The following SLAMF9 variants were observed in gnomAD, a reference collection of about 807,000 sequenced individuals.
SLAMF9 encodes the protein SLAM family member 9.
In SLAMF9, 25 loss-of-function variants were observed where a neutral mutation model predicts 30.4. The ratio of observed to expected loss-of-function variants is 0.82; its 90% CI spans 0.60 to 1.15. The LOEUF (loss-of-function observed/expected upper bound fraction) is 1.15, where lower values mean the gene tolerates loss of function less well. Ranked by LOEUF, SLAMF9 falls within the 50% of genes most tolerant of loss-of-function variation. The pLI is 0.00. For missense variants in SLAMF9, 344 were observed against 346.1 expected (o/e 0.99, Z 0.05); for synonymous variants, 129 against 127.2 (o/e 1.01, Z -0.09).
intron 2 of SLAMF9, 118 bp downstream of exon 2, chr1:159,953,191 C>T: frequency 1.3e-6 from 1 of 790,638 alleles, no homozygotes; most frequent in Middle Eastern, 3.8e-4. Context: ...TGGAGACAGT[C>T]TGCCTCCAGT....
At chr1:159,961,002 T>A in the SLAMF9 span, among the ~76,000 whole-genome samples, 5 of 152,180 alleles carry the variant, frequency 3.3e-5, no homozygotes, top group Non-Finnish European at 7.4e-5. Flanking sequence ...CTTTCCTCCC[T>A]TCCTTGTCTC....
rs1250418386 is a variant in SLAMF9, at chr1:159,953,168, A to G, written c.391+141T>C. On this transcript the variant is annotated intron_variant, in intron 2 of 3. Transcript: ENST00000368093. ...ACAGGTGGATTGGGCACACTCAATC[A>G]CAGTATCTAGATTGGAGACAGTCTG... is the stretch of plus-strand genomic sequence containing the variant. 3 of 692,138 alleles carry G rather than the reference A, an allele frequency of 4.3e-6. No individual in the cohort carries two copies. The East Asian group carries it at 8.0e-5, about 18-fold the overall frequency. The allele number at this position is 692,138 out of a possible 1,614,324, so 42.9% of individuals were successfully genotyped here. A position where few individuals can be genotyped will look rare whatever the true frequency, so the allele number is the denominator to read the frequency against.
rs1651876485 is a variant in SLAMF9, at chr1:159,954,236, C to A, written c.-99G>T. ...AGGCTCCTAGACACAAAGAGCCTGACTGATGGTCCTGAGAAAAGGGAAATA... is the reference window on the plus strand; with the variant it reads ...AGGCTCCTAGACACAAAGAGCCTGAATGATGGTCCTGAGAAAAGGGAAATA... On this transcript the variant is annotated 5_prime_UTR_variant, in exon 1 of 4. Transcript: ENST00000368093. 1 of 1,370,178 alleles carries A rather than the reference C, an allele frequency of 7.3e-7. No homozygotes were observed. The allele number at this position is 1,370,178 out of a possible 1,614,324, so 84.9% of individuals were successfully genotyped here. A position where few individuals can be genotyped will look rare whatever the true frequency, so the allele number is the denominator to read the frequency against.
the SLAMF9 span, among the ~76,000 whole-genome samples, chr1:159,974,617 T>C: frequency 6.6e-6 from 1 of 152,062 alleles, no homozygotes; most frequent in Non-Finnish European, 1.5e-5. Flanking sequence ...CCCACACCAA[T>C]ACCGATCCCC....
chr1:159,975,714 C>A, the SLAMF9 span, among the ~76,000 whole-genome samples: 1 of 152,020 alleles, frequency 6.6e-6, no homozygotes, highest in Non-Finnish European at 1.5e-5. Flanking sequence ...TCAGCTGAAA[C>A]AATGGCAGTG....
At chr1:159,967,853 A>G in the SLAMF9 span, among the ~76,000 whole-genome samples, 1,059 of 152,062 alleles carry the variant, frequency 7.0e-3, 11 homozygotes, top group African/African-American at 0.025. Context: ...ATTTTATTTT[A>G]TCTTTTGTTG....
the SLAMF9 span, among the ~76,000 whole-genome samples, chr1:159,971,027 A>G: frequency 6.6e-6 from 1 of 152,194 alleles, no homozygotes; most frequent in Non-Finnish European, 1.5e-5. Context: ...TCCAACCAGG[A>G]AAACTCGCCC....
chr1:159,957,704 T>C (rs1651958068), upstream of SLAMF9, among the ~76,000 whole-genome samples: 1 of 152,228 alleles, frequency 6.6e-6, no homozygotes, highest in South Asian at 2.1e-4. Flanking sequence ...CTTACGTTAA[T>C]TAGCTCGATT....
the SLAMF9 span, among the ~76,000 whole-genome samples, chr1:159,975,590 G>A: frequency 1.3e-5 from 2 of 152,036 alleles, no homozygotes; most frequent in East Asian, 3.9e-4. Flanking sequence ...GAAATTGGGA[G>A]TAATTGAATC....
At chr1:159,957,826 A>G (rs1651959815), upstream of SLAMF9, among the ~76,000 whole-genome samples, 2 of 152,022 alleles carry the variant, frequency 1.3e-5, no homozygotes, top group African/African-American at 4.8e-5. Flanking sequence ...AAGGAAAGAA[A>G]AGAAAACAGG....
chr1:159,978,064 T>A, the SLAMF9 span, among the ~76,000 whole-genome samples: 944 of 152,214 alleles, frequency 6.2e-3, 8 homozygotes, highest in South Asian at 0.038. Flanking sequence ...CCCCCACCAC[T>A]GCCCCACCCC....
At chr1:159,970,927 G>A in the SLAMF9 span, among the ~76,000 whole-genome samples, 1 of 152,222 alleles carries the variant, frequency 6.6e-6, no homozygotes, top group African/African-American at 2.4e-5. Context: ...AGCGCACAGA[G>A]TCCAGGGAAG....
the SLAMF9 span, chr1:159,983,537 T>C: frequency 6.6e-6 from 1 of 152,230 alleles, no homozygotes; most frequent in Non-Finnish European, 1.5e-5. Flanking sequence ...GTTTTTTGCT[T>C]GAGTTAATTT....
the SLAMF9 span, among the ~76,000 whole-genome samples, chr1:159,960,285 G>A: frequency 2.3e-3 from 342 of 150,414 alleles, 2 homozygotes; most frequent in African/African-American, 7.1e-3. Flanking sequence ...TTGTCCTTGC[G>A]ATAGTTTGCT....
chr1:159,972,932 C>T, the SLAMF9 span: 1 of 1,028,410 alleles, frequency 9.7e-7, no homozygotes. Flanking sequence ...CTCCTCTCCT[C>T]CCAGGGGGTC....
the SLAMF9 span, chr1:159,973,093 C>T: frequency 4.6e-6 from 7 of 1,507,618 alleles, no homozygotes; most frequent in Non-Finnish European, 5.4e-6. Context: ...CCCTCCTTGA[C>T]TCCTGGGATG....
At chr1:159,955,692 C>T (rs2101892453), upstream of SLAMF9, among the ~76,000 whole-genome samples, 1 of 152,290 alleles carries the variant, frequency 6.6e-6, no homozygotes, top group South Asian at 2.1e-4. Context: ...TTTGATGAAT[C>T]TTACCAAAGG....
the SLAMF9 span, chr1:159,983,519 TTTTG>T: frequency 1.3e-5 from 2 of 152,204 alleles, no homozygotes; most frequent in African/African-American, 2.4e-5. Context: ...TTTTGTTTTG[TTTTG>T]TTTGTTTTTT....
the SLAMF9 span, chr1:159,980,598 A>G: frequency 6.6e-6 from 1 of 152,324 alleles, no homozygotes; most frequent in East Asian, 1.9e-4. Context: ...CTGGAGTGCA[A>G]TGGTGCGATC....
Sources: gnomAD v4.1 joint callset for allele counts (sites outside exome capture counted in the v4.1 genomes callset) on GRCh38, gnomAD v4.1.1 for gene constraint, MANE v1.5 for transcripts, NCBI Gene and HGNC (gene_info 2026-07-23, HGNC 2026-07-21) for gene names.